The following PFKM variants were observed in gnomAD, a reference collection of about 807,000 sequenced individuals.
PFKM encodes the protein ATP-dependent 6-phosphofructokinase, muscle type.
In PFKM, 58 loss-of-function variants were observed where a neutral mutation model predicts 95.5. The ratio of observed to expected loss-of-function variants is 0.61; its 90% CI spans 0.49 to 0.76. The LOEUF is 0.76. Among genes scored for constraint, PFKM ranks in the 30% least tolerant of loss-of-function variants. PFKM has a pLI of 0.00. For missense variants in PFKM, 678 were observed against 1,005.4 expected, an observed-to-expected ratio of 0.67 and a Z score of 4.40; for synonymous variants, 336 against 357.2, an observed-to-expected ratio of 0.94 and a Z score of 0.67.
Position 48,145,472 on chromosome 12 carries a change from CCT to C in PFKM, c.2199-89_2199-88del. ...TGTGATGCACATGTCCTAAATCTAA[CCT>C]CTTCTGTCTAACTTCTTCCTATAAA... On this transcript the variant is annotated intron_variant, in intron 22 of 22. Coordinates refer to ENST00000359794, the MANE Select transcript of PFKM (RefSeq NM_000289.6). This position sits in a 1 kb window ranked among gnomAD's most constrained non-coding sequence, Gnocchi z 4.3. 6.7e-7 allele frequency: 1 copy of C among 1,486,834 alleles called. No homozygotes were observed. The highest frequency in any genetic ancestry group is 9.4e-7 in the Non-Finnish European group (1 of 1,068,994). 92.1% of individuals were successfully genotyped at this position (1,486,834 alleles called of 1,614,324 possible).
intron 2 of PFKM, among the ~76,000 whole-genome samples, chr12:48,124,983 G>A (rs1177886383): frequency 2.0e-5 from 3 of 152,140 alleles, no homozygotes; most frequent in African/African-American, 7.2e-5. Context: ...ACATGGGAAA[G>A]TGAGATTGAG....
intron 17 of PFKM, chr12:48,142,329 T>C (rs556920411): frequency 1.5e-5 from 7 of 480,712 alleles, no homozygotes; most frequent in African/African-American, 1.2e-4. Context: ...AAAAACTAGC[T>C]GGGTGTGGTG....
upstream of PFKM, among the ~76,000 whole-genome samples, chr12:48,119,060 G>A (rs1947921862): frequency 6.6e-6 from 1 of 152,108 alleles, no homozygotes; most frequent in South Asian, 2.1e-4. Context: ...GTTCTGTGTT[G>A]AAAACAAGAG....
chr12:48,144,237 C>A, intron 20 of PFKM, 80 bp downstream of exon 20: 1 of 929,044 alleles, frequency 1.1e-6, no homozygotes, highest in Non-Finnish European at 1.8e-6. Flanking sequence ...GCCACTGAGG[C>A]TTCCACTGGC....
chr12:48,113,748 T>C (rs200239846), intron 3 of PFKM, among the ~76,000 whole-genome samples: 9 of 151,552 alleles, frequency 5.9e-5, no homozygotes, highest in Non-Finnish European at 7.4e-5. Flanking sequence ...ACTCTATTAT[T>C]GTACACCTTG....
upstream of PFKM, among the ~76,000 whole-genome samples, chr12:48,115,038 G>T (rs1464554259): frequency 6.6e-6 from 1 of 152,250 alleles, no homozygotes; most frequent in East Asian, 1.9e-4. Context: ...GAAGGGGGAT[G>T]GGGAGCAGCT....
chr12:48,144,634 T>C (rs1565915176), intron 20 of PFKM, among the ~76,000 whole-genome samples: 1 of 152,170 alleles, frequency 6.6e-6, no homozygotes, highest in African/African-American at 2.4e-5. Flanking sequence ...TCTGAGGTGC[T>C]ACCAAGGGCA....
intron 2 of PFKM, among the ~76,000 whole-genome samples, chr12:48,127,464 C>A (rs76031415): frequency 0.06 from 9,104 of 152,282 alleles, 359 homozygotes; most frequent in Non-Finnish European, 0.093. Flanking sequence ...ACGCTTTTAC[C>A]CTTTGTCTAA....
chr12:48,144,892 C>T, intron 20 of PFKM, 139 bp from the exon 21 acceptor site: 1 of 724,738 alleles, frequency 1.4e-6, no homozygotes, highest in South Asian at 1.6e-5. Context: ...TCAGGGCACC[C>T]TTTCATAGTT....
At chr12:48,109,362 T>C (rs1946989509) in intron 3 of PFKM, among the ~76,000 whole-genome samples, 1 of 151,906 alleles carries the variant, frequency 6.6e-6, no homozygotes, top group Non-Finnish European at 1.5e-5. Flanking sequence ...TCCTTTCTTT[T>C]TCTTTTCTTT....
At chr12:48,114,432 G>A (rs1947488556), upstream of PFKM, among the ~76,000 whole-genome samples, 1 of 152,122 alleles carries the variant, frequency 6.6e-6, no homozygotes, top group Non-Finnish European at 1.5e-5. Flanking sequence ...GCTAGTCCTA[G>A]GACGAAACTG....
rs905889412 is a variant in PFKM, at chr12:48,145,981, T to C, written c.*273T>C. 14 of 452,308 alleles carry C rather than the reference T, an allele frequency of 3.1e-5. No homozygotes were observed. The highest frequency in any genetic ancestry group is 2.1e-4 in the African/African-American group (11 of 51,330). The allele number at this position is 452,308 out of a possible 1,614,324, so 28.0% of individuals were successfully genotyped here. A position where few individuals can be genotyped will look rare whatever the true frequency, so the allele number is the denominator to read the frequency against. On this transcript the variant is annotated 3_prime_UTR_variant, in exon 23 of 23. Transcript: ENST00000359794. The surrounding 1 kb of genome is among the most constrained non-coding windows in gnomAD (Gnocchi z 4.3). ...TACTGCTAGATATCACTTACTCAGT[T>C]AGAATTTTCCTAAAAATAAGCTTTA...
chr12:48,139,979 C>A, intron 13 of PFKM, 67 bp downstream of exon 13: 2 of 1,021,692 alleles, frequency 2.0e-6, no homozygotes, highest in South Asian at 1.3e-5. Context: ...TTCATAAATG[C>A]TACCACAGTC....
chr12:48,137,762 G>A lies in PFKM; in HGVS notation c.978G>A (p.Glu326=), dbSNP rs550083752. ...MGVEAVMALL[E]GTPDTPACVV... ...TGGAAGCAGTGATGGCACTTTTGGA[G>A]GGGACCCCAGATACCCCAGCCTGTG... is the stretch of plus-strand genomic sequence containing the variant. The change falls in exon 11 of 23, where the codon GAG becomes GAA. Residue 326 remains glutamate (E), a synonymous_variant. Coordinates refer to ENST00000359794, the MANE Select transcript of PFKM (RefSeq NM_000289.6). 3.3e-5 allele frequency: 54 copies of A among 1,614,174 alleles called. No individual in the cohort carries two copies. In the East Asian group the frequency reaches 1.1e-3, roughly 33 times the overall value.
At chr12:48,108,031 G>T (rs1336685548) in intron 2 of PFKM, 3 of 1,596,602 alleles carry the variant, frequency 1.9e-6, no homozygotes, top group Non-Finnish European at 2.5e-6. Context: ...TCCCTTCCCA[G>T]AATCCCACCT....
intron 9 of PFKM, 49 bp from the exon 10 acceptor site, chr12:48,135,242 C>A: frequency 6.7e-7 from 1 of 1,487,452 alleles, no homozygotes; most frequent in Non-Finnish European, 9.4e-7. Flanking sequence ...TTGTTTTCTT[C>A]CTTTGACTCT....
chr12:48,111,312 A>G (rs1199854276), intron 3 of PFKM, among the ~76,000 whole-genome samples: 1 of 152,198 alleles, frequency 6.6e-6, no homozygotes, highest in African/African-American at 2.4e-5. Flanking sequence ...AGCATTGCCC[A>G]TGCCCCCTGC....
intron 1 of PFKM, among the ~76,000 whole-genome samples, chr12:48,120,634 A>C (rs965936508): frequency 6.6e-6 from 1 of 152,242 alleles, no homozygotes; most frequent in Non-Finnish European, 1.5e-5. Flanking sequence ...AACATCCATG[A>C]TAATACGTGA....
intron 5 of PFKM, 113 bp downstream of exon 5, chr12:48,133,170 A>G: frequency 2.3e-6 from 3 of 1,294,294 alleles, no homozygotes; most frequent in South Asian, 1.2e-5. Flanking sequence ...AATGTTACCC[A>G]GACACAAATA....
Sources: gnomAD v4.1 joint callset for allele counts (sites outside exome capture counted in the v4.1 genomes callset) on GRCh38, gnomAD v4.1.1 for gene constraint, Gnocchi (gnomAD v3.1) non-coding constraint, MANE v1.5 for transcripts, NCBI Gene and HGNC (gene_info 2026-07-23, HGNC 2026-07-21) for gene names.